The following PPP1R1C variants were observed in gnomAD, a reference collection of about 807,000 sequenced individuals.
PPP1R1C encodes protein phosphatase 1 regulatory subunit 1C.
A neutral mutation model predicts 17.4 loss-of-function variants in PPP1R1C; 15 were observed. That is an observed-to-expected ratio of 0.86 (90% CI 0.58 to 1.33). The LOEUF is 1.33. Among genes scored for constraint, PPP1R1C ranks in the 40% most tolerant of loss-of-function variants. PPP1R1C has a pLI of 0.00. For synonymous variants in PPP1R1C, 35 were observed against 43.1 expected, an observed-to-expected ratio of 0.81 and a Z score of 0.73; for missense variants, 143 against 130.0, an observed-to-expected ratio of 1.10 and a Z score of -0.48.
chr2:182,008,174 A>C lies in PPP1R1C; in HGVS notation c.142+20275A>C, dbSNP rs572916032. 4.6e-5 allele frequency among the ~76,000 whole-genome samples: 7 copies of C among 152,310 alleles called. No homozygotes were observed. In the South Asian group the frequency reaches 1.2e-3, roughly 27 times the overall value. ...TTAGTGTGAGGTATGAGTGAATTGT[A>C]TTATGCTTGATGTAATATGGGATAG... On this transcript the variant is annotated intron_variant, in intron 2 of 4. Transcript: ENST00000682840.
intron 1 of PPP1R1C, among the ~76,000 whole-genome samples, chr2:181,971,895 C>G (rs1438666082): frequency 6.6e-6 from 1 of 152,212 alleles, no homozygotes; most frequent in African/African-American, 2.4e-5. Flanking sequence ...CTCCTTTCCT[C>G]AAGTGCACAG....
chr2:181,991,353 C>A (rs1685468709), intron 2 of PPP1R1C, among the ~76,000 whole-genome samples: 1 of 152,050 alleles, frequency 6.6e-6, no homozygotes, highest in Admixed American at 6.5e-5. Context: ...CCCTTTCTGA[C>A]AAATAACCTA....
At chr2:182,101,112 TAAAC>T (rs1271284100) in intron 4 of PPP1R1C, among the ~76,000 whole-genome samples, 1 of 152,156 alleles carries the variant, frequency 6.6e-6, no homozygotes, top group Non-Finnish European at 1.5e-5. Context: ...CGGTGAGAAA[TAAAC>T]AAGCCTTCCT....
At chr2:182,007,321 G>A (rs1490133108) in intron 2 of PPP1R1C, among the ~76,000 whole-genome samples, 3 of 151,938 alleles carry the variant, frequency 2.0e-5, no homozygotes, top group African/African-American at 7.3e-5. Context: ...GTATATTATG[G>A]CTTGCTTATT....
chr2:182,023,751 G>C (rs1357599371), intron 2 of PPP1R1C: 2 of 151,948 alleles, frequency 1.3e-5, no homozygotes, highest in South Asian at 4.2e-4. Context: ...TTCTCACATA[G>C]CTGGGACTAC....
Position 182,092,346 on chromosome 2 carries a change from C to T in PPP1R1C, c.242-24861C>T, listed in dbSNP as rs553042047. Among the ~76,000 whole-genome samples, 48 of 152,226 alleles carry T rather than the reference C, an allele frequency of 3.2e-4. 1 individual carries two copies. Among genetic ancestry groups the T allele is most frequent in the South Asian group, 8.3e-4 (4 of 4,816 alleles). ...CTCCTATGATTCAACCATCTCCCAC[C>T]GGGTCTCTCCCACAATATATGGGAA... On this transcript the variant is annotated intron_variant, in intron 4 of 4. Coordinates refer to ENST00000682840, the MANE Select transcript of PPP1R1C (RefSeq NM_001080545.3).
chr2:181,991,908 C>T (rs903625229), intron 2 of PPP1R1C, among the ~76,000 whole-genome samples: 2 of 152,032 alleles, frequency 1.3e-5, no homozygotes, highest in African/African-American at 2.4e-5. Flanking sequence ...ATGTGTAAAT[C>T]CTCTCTGTAG....
Position 182,117,345 on chromosome 2 carries a change from T to C in PPP1R1C, c.*50T>C, listed in dbSNP as rs1689618683. The stretch of plus-strand genomic sequence containing the variant: ...TCTTGGAAATAACTGAACTATTAAC[T>C]TTTCTGAGTATACCATGGAATTCCA... On this transcript the variant is annotated 3_prime_UTR_variant, in exon 5 of 5. Transcript: ENST00000682840. 7.6e-7 allele frequency: 1 copy of C among 1,321,670 alleles called. No homozygotes were observed. The highest frequency in any genetic ancestry group is 1.1e-6 in the Non-Finnish European group (1 of 948,606). The allele number at this position is 1,321,670 out of a possible 1,614,324, so 81.9% of individuals were successfully genotyped here.
chr2:181,985,632 A>T (rs757628419), upstream of PPP1R1C, among the ~76,000 whole-genome samples: 1 of 152,052 alleles, frequency 6.6e-6, no homozygotes, highest in African/African-American at 2.4e-5. This position sits in a 1 kb window ranked among gnomAD's most constrained non-coding sequence, Gnocchi z 4.1. Context: ...AACTCTAAAA[A>T]CTTCCTGCTT....
rs1684811854 is a variant in PPP1R1C at position 181,962,257 on chromosome 2, C to T, written n.111+7623C>T. On this transcript the variant is annotated intron_variant and non_coding_transcript_variant, in intron 1 of 5. Transcript: ENST00000464264. This position sits in a 1 kb window ranked among gnomAD's most constrained non-coding sequence, Gnocchi z 6.0. ...TCTCCTTCTTATTCTGGATGCCTCC[C>T]ATTCCTGCCAGACCCCCGGCCATCC... The T allele has an allele frequency of 1.4e-6, 1 of 733,158 alleles. No individual in the cohort carries two copies. The highest frequency in any genetic ancestry group is 2.4e-6 in the Non-Finnish European group (1 of 408,632). The allele number at this position is 733,158 out of a possible 1,614,324, so 45.4% of individuals were successfully genotyped here.
intron 2 of PPP1R1C, among the ~76,000 whole-genome samples, chr2:182,013,957 C>A (rs137980265): frequency 1.3e-5 from 2 of 152,202 alleles, no homozygotes; most frequent in Non-Finnish European, 2.9e-5. Context: ...TCTTGAATTT[C>A]ATTGAGCTTG....
intron 2 of PPP1R1C, among the ~76,000 whole-genome samples, chr2:182,015,962 G>A (rs193182251): frequency 8.1e-4 from 124 of 152,194 alleles, no homozygotes; most frequent in African/African-American, 2.8e-3. Context: ...TGCGTGTGCC[G>A]GCTCCGAGCC....
chr2:182,087,256 G>A (rs1378868105), intron 4 of PPP1R1C, among the ~76,000 whole-genome samples: 1 of 152,120 alleles, frequency 6.6e-6, no homozygotes, highest in African/African-American at 2.4e-5. Flanking sequence ...TCCTCGTAAT[G>A]CCTGCAAGGC....
At chr2:182,064,690 C>T (rs1049739346) in intron 4 of PPP1R1C, among the ~76,000 whole-genome samples, 3 of 152,048 alleles carry the variant, frequency 2.0e-5, no homozygotes, top group Non-Finnish European at 2.9e-5. Context: ...CTTCCTCATG[C>T]AGCTATAAAA....
chr2:182,045,600 T>G (rs1687319252), intron 2 of PPP1R1C, among the ~76,000 whole-genome samples: 1 of 152,092 alleles, frequency 6.6e-6, no homozygotes, highest in Admixed American at 6.5e-5. Context: ...AAAATAAAAG[T>G]TTTCCTCTTG....
chr2:182,114,192 C>A (rs182346179), intron 4 of PPP1R1C, among the ~76,000 whole-genome samples: 1 of 152,194 alleles, frequency 6.6e-6, no homozygotes, highest in Non-Finnish European at 1.5e-5. Context: ...GGTTTTCCGC[C>A]CATATGCAGC....
intron 2 of PPP1R1C, among the ~76,000 whole-genome samples, chr2:181,980,118 T>C (rs1284000620): frequency 2.0e-5 from 3 of 152,216 alleles, no homozygotes; most frequent in Non-Finnish European, 4.4e-5. Context: ...TATTTGTGTT[T>C]GTATCACTGT....
intron 4 of PPP1R1C, among the ~76,000 whole-genome samples, chr2:182,098,480 A>C (rs1689008443): frequency 6.6e-6 from 1 of 152,152 alleles, no homozygotes; most frequent in African/African-American, 2.4e-5. Flanking sequence ...AAAGAGTATT[A>C]ACTTAAGAAC....
At chr2:182,107,110 T>C (rs1207114156) in intron 4 of PPP1R1C, among the ~76,000 whole-genome samples, 1 of 152,218 alleles carries the variant, frequency 6.6e-6, no homozygotes, top group African/African-American at 2.4e-5. Context: ...CAATTCAATC[T>C]ATAACAGTGG....
Sources: allele counts gnomAD v4.1 joint callset (sites outside exome capture counted in the v4.1 genomes callset), GRCh38; gene constraint gnomAD v4.1.1; non-coding constraint Gnocchi (gnomAD v3.1); transcripts MANE v1.5; gene names NCBI Gene and HGNC (gene_info 2026-07-23, HGNC 2026-07-21).